SLIT3: variants seen among roughly 807,000 people sequenced by gnomAD.
The protein encoded by SLIT3 is slit guidance ligand 3.
SLIT3 carries 68 observed loss-of-function variants against 184.0 expected under a neutral mutation model. The observed-to-expected ratio is 0.37, with a 90% CI of 0.30 to 0.45. The LOEUF is 0.45. SLIT3 is among the 20% of genes least tolerant of loss of function. The pLI is 1.00. For missense variants in SLIT3, 1,707 were observed against 2,026.0 expected (o/e 0.84, Z 3.02); for synonymous variants, 831 against 828.6 (o/e 1.00, Z -0.05).
intron 20 of SLIT3, among the ~76,000 whole-genome samples, chr5:168,724,973 C>T (rs1419565784): frequency 6.6e-6 from 1 of 152,178 alleles, no homozygotes; most frequent in Non-Finnish European, 1.5e-5. Context: ...CACAATTCCA[C>T]ACTTAGCTTC....
intron 4 of SLIT3, among the ~76,000 whole-genome samples, chr5:168,922,527 G>A (rs1162796727): frequency 2.6e-5 from 4 of 151,296 alleles, no homozygotes; most frequent in African/African-American, 7.3e-5. Flanking sequence ...AGGTGGGAAC[G>A]TGCATGATGC....
chr5:169,068,408 T>C (rs773972320), intron 4 of SLIT3, among the ~76,000 whole-genome samples: 20 of 152,250 alleles, frequency 1.3e-4, no homozygotes, highest in Non-Finnish European at 2.5e-4. Context: ...AGCTAGGTGC[T>C]GAGGTAAAGA....
intron 4 of SLIT3, among the ~76,000 whole-genome samples, chr5:169,050,106 C>T (rs1757763139): frequency 6.6e-6 from 1 of 152,066 alleles, no homozygotes; most frequent in Non-Finnish European, 1.5e-5. Flanking sequence ...CTACAGTCAG[C>T]AACAGAACAG....
chr5:168,907,546 T>C (rs1761091256), intron 4 of SLIT3, among the ~76,000 whole-genome samples: 1 of 152,218 alleles, frequency 6.6e-6, no homozygotes, highest in Non-Finnish European at 1.5e-5. Context: ...ACTTCCATTT[T>C]CCTCTTTTTG....
chr5:168,929,931 C>A (rs1761938617), intron 4 of SLIT3, among the ~76,000 whole-genome samples: 1 of 152,168 alleles, frequency 6.6e-6, no homozygotes, highest in African/African-American at 2.4e-5. Flanking sequence ...CCTCGGGGAC[C>A]ACATCTACCT....
chr5:168,744,254 A>G (rs1763729706), intron 20 of SLIT3, among the ~76,000 whole-genome samples: 1 of 152,202 alleles, frequency 6.6e-6, no homozygotes, highest in South Asian at 2.1e-4. Flanking sequence ...GCGCCACGGC[A>G]CTCCAGCCTG....
chr5:169,200,987 C>T (rs916215756), intron 3 of SLIT3, among the ~76,000 whole-genome samples: 41 of 152,270 alleles, frequency 2.7e-4, no homozygotes, highest in African/African-American at 9.9e-4. Flanking sequence ...TTGAATGATG[C>T]TATTCTTTGC....
chr5:168,844,947 A>G (rs866174174), intron 5 of SLIT3: 7 of 390,994 alleles, frequency 1.8e-5, no homozygotes, highest in South Asian at 7.9e-5. Flanking sequence ...TCATTACATT[A>G]GGGCATCCAA....
rs956510996 is a variant in SLIT3 at position 169,160,639 on chromosome 5, G to A, written c.413+32840C>T. On this transcript the variant is annotated intron_variant, in intron 4 of 35. Transcript: ENST00000519560. ...ATTTATAAAGGCCTCATGGTGCCAG[G>A]ACTTGAGATAAGCTGGAGGAATGAA... Among the ~76,000 whole-genome samples, 38 of 152,284 alleles carry A rather than the reference G, an allele frequency of 2.5e-4. 1 individual carries two copies. The highest frequency in any genetic ancestry group is 1.8e-3 in the Admixed American group (27 of 15,302).
chr5:169,179,704 C>G (rs908770846), intron 4 of SLIT3, among the ~76,000 whole-genome samples: 1 of 151,668 alleles, frequency 6.6e-6, no homozygotes, highest in Non-Finnish European at 1.5e-5. Context: ...GTGTGTGTGT[C>G]TGTGCACACA....
intron 6 of SLIT3, among the ~76,000 whole-genome samples, chr5:168,838,843 C>T (rs1172301994): frequency 6.6e-6 from 1 of 152,132 alleles, no homozygotes; most frequent in African/African-American, 2.4e-5. Context: ...ATTAGAACTA[C>T]CCTAAAAATC....
chr5:169,116,775 C>T (rs1468566111), intron 4 of SLIT3, among the ~76,000 whole-genome samples: 1 of 152,190 alleles, frequency 6.6e-6, no homozygotes, highest in Non-Finnish European at 1.5e-5. Context: ...CTACTTGGCA[C>T]CAGTGCTGGG....
chr5:168,965,549 AT>A (rs1763155663), intron 4 of SLIT3, among the ~76,000 whole-genome samples: 1 of 152,230 alleles, frequency 6.6e-6, no homozygotes, highest in Non-Finnish European at 1.5e-5. Flanking sequence ...TTAGGAAAAT[AT>A]GAGTTCTGCC....
chr5:169,140,511 A>ACGCAGGCGGTCAGGCACGGTGGCT (rs1325079513), intron 4 of SLIT3, among the ~76,000 whole-genome samples: 1 of 137,236 alleles, frequency 7.3e-6, no homozygotes, highest in East Asian at 2.1e-4. Context: ...AAAAAAAAAG[A>ACGCAGGCGGTCAGGCACGGTGGCT]CGCAGGCGGT....
intron 10 of SLIT3, 172 bp from the exon 11 acceptor site, chr5:168,789,803 A>T: frequency 1.7e-6 from 1 of 584,078 alleles, no homozygotes; most frequent in Non-Finnish European, 3.1e-6. Flanking sequence ...CTTCAGTTCA[A>T]CTACCTCATG....
chr5:169,113,322 T>C (rs1225356489), intron 4 of SLIT3, among the ~76,000 whole-genome samples: 1 of 152,226 alleles, frequency 6.6e-6, no homozygotes, highest in East Asian at 1.9e-4. Context: ...TCATATAGTA[T>C]TTGTATTTTT....
intron 4 of SLIT3, among the ~76,000 whole-genome samples, chr5:168,981,955 A>C (rs1230533220): frequency 1.3e-5 from 2 of 152,164 alleles, no homozygotes; most frequent in Non-Finnish European, 2.9e-5. Context: ...ACTGAAGTTG[A>C]GAGTATCTAA....
rs553642936 is a variant in SLIT3, at chr5:168,766,381, A to G, written c.1460-3692T>C. ...CAGTGATGTGAATAAGCAAAGGGTC[A>G]TAAGTGATGAATGACTAAGGAGAAC... is the stretch of plus-strand genomic sequence containing the variant. On this transcript the variant is annotated intron_variant, in intron 14 of 35. Transcript: ENST00000519560. Among the ~76,000 whole-genome samples the G allele has an allele frequency of 7.4e-4, 112 of 152,374 alleles. 1 individual carries two copies. The highest frequency in any genetic ancestry group is 2.5e-3 in the African/African-American group (106 of 41,594).
intron 31 of SLIT3, 137 bp from the exon 32 acceptor site, chr5:168,684,233 C>G: frequency 1.1e-6 from 1 of 911,750 alleles, no homozygotes; most frequent in Admixed American, 3.3e-5. Flanking sequence ...CTTTCCTCCT[C>G]CATCTAGTCA....
Sources: allele counts gnomAD v4.1 joint callset (sites outside exome capture counted in the v4.1 genomes callset), GRCh38; gene constraint gnomAD v4.1.1; transcripts MANE v1.5; gene names NCBI Gene and HGNC (gene_info 2026-07-23, HGNC 2026-07-21).